The following TCIRG1 variants were observed in gnomAD, a reference collection of about 807,000 sequenced individuals.
TCIRG1 encodes T cell immune regulator 1, ATPase H+ transporting V0 subunit a3.
A neutral mutation model predicts 95.5 loss-of-function variants in TCIRG1; 86 were observed. That is an observed-to-expected ratio of 0.90 (90% CI 0.76 to 1.08). The LOEUF is 1.08. Ranked by LOEUF, TCIRG1 falls within the 50% of genes least tolerant of loss-of-function variation. TCIRG1 has a pLI of 0.00. For missense variants in TCIRG1, 1,069 were observed against 1,140.2 expected (o/e 0.94, Z 0.90); for synonymous variants, 499 against 501.3 (o/e 1.00, Z 0.06).
chr11:68,049,425 G>A lies in TCIRG1; in HGVS notation c.1887+131G>A, dbSNP rs78820476. The A allele has an allele frequency of 9.8e-4, 1,055 of 1,071,580 alleles. No homozygotes were observed. Among genetic ancestry groups the A allele is most frequent in the Non-Finnish European group, 1.3e-3 (984 of 750,596 alleles). The allele number at this position is 1,071,580 out of a possible 1,614,324, so 66.4% of individuals were successfully genotyped here. On this transcript the variant is annotated intron_variant, in intron 15 of 19. Coordinates refer to ENST00000265686, the MANE Select transcript of TCIRG1 (RefSeq NM_006019.4). Reference sequence around the variant, plus strand: ...GGCCCCGGGCCGTGCAGACAGGGCCGTCAGAGGTGATGGTGTGCATCTTTA... The same window carrying A: ...GGCCCCGGGCCGTGCAGACAGGGCCATCAGAGGTGATGGTGTGCATCTTTA...
Position 68,042,791 on chromosome 11 carries a change from G to C in TCIRG1, c.345G>C (p.Gln115His), listed in dbSNP as rs1218201128. ...AQELRDVRGN[Q>H]QALRAQLHQL... ...AGCTGCGGGATGTGCGGGGCAACCA[G>C]CAGGCCCTGCGGGCCCAGCTGCACC... is the stretch of plus-strand genomic sequence containing the variant. Residue 115 changes from glutamine (Q) to histidine (H), a missense_variant, in exon 4 of 20, where the codon CAG becomes CAC. Transcript: ENST00000265686. 2 of 1,548,162 alleles carry C rather than the reference G, an allele frequency of 1.3e-6. No homozygotes were observed. Among genetic ancestry groups the C allele is most frequent in the Non-Finnish European group, 1.7e-6 (2 of 1,146,468 alleles).
intron 10 of TCIRG1, among the ~76,000 whole-genome samples, chr11:68,046,541 G>A (rs1228118822): frequency 6.6e-6 from 1 of 152,096 alleles, no homozygotes; most frequent in Non-Finnish European, 1.5e-5. Context: ...CCACTGTAAT[G>A]GCCTTATCTT....
chr11:68,052,601 C>T (rs1426955852), downstream of TCIRG1, among the ~76,000 whole-genome samples: 4 of 152,260 alleles, frequency 2.6e-5, no homozygotes, highest in Non-Finnish European at 5.9e-5. Context: ...ACCAGCACTG[C>T]TCCCAGTCTC....
At chr11:68,048,562 G>A (rs1855625285) in intron 13 of TCIRG1, among the ~76,000 whole-genome samples, 1 of 152,202 alleles carries the variant, frequency 6.6e-6, no homozygotes, top group African/African-American at 2.4e-5. Flanking sequence ...TCGAAGTGCT[G>A]GGATTACAGG....
chr11:68,051,107 C>T (rs1415940100), downstream of TCIRG1, among the ~76,000 whole-genome samples: 8 of 152,184 alleles, frequency 5.3e-5, no homozygotes, highest in Non-Finnish European at 1.0e-4. Context: ...CTTCCCAGGC[C>T]GGGTCAGGGG....
chr11:68,041,687 G>A, intron 2 of TCIRG1, 66 bp from the exon 3 acceptor site: 1 of 1,368,086 alleles, frequency 7.3e-7, no homozygotes, highest in Non-Finnish European at 1.0e-6. Context: ...TCAGGCCTGG[G>A]CTCTAGGGTG....
chr11:68,050,317 T>A, intron 18 of TCIRG1, 63 bp downstream of exon 18: 2 of 1,598,418 alleles, frequency 1.3e-6, no homozygotes, highest in Non-Finnish European at 1.7e-6. Context: ...CGCTGCTGGC[T>A]GGGCGGGTTG....
At position 68,049,309 on chromosome 11, in the gene TCIRG1, G is replaced by C. The variant is rs1855669914; in HGVS notation, c.1887+15G>C. ...ACCCCCGGCAGGTGGGCTGCGGCTG[G>C]TGGGGGCCGGGCTCACACGGCCTCA... On this transcript the variant is annotated intron_variant, in intron 15 of 19. Transcript: ENST00000265686. 1.9e-6 allele frequency: 3 copies of C among 1,601,252 alleles called. No homozygotes were observed. In the Admixed American group the frequency reaches 5.0e-5, roughly 27 times the overall value.
In TCIRG1 at chr11:68,050,118, C is replaced by T. The variant is rs1384737347; in HGVS notation, c.2119-19C>T. Reference sequence around the variant, plus strand: ...GGACGGCTGAGGCCCTGCCGGCCCTCACTGCACCCGCCCCGCAGCTCGTCC... The same window carrying T: ...GGACGGCTGAGGCCCTGCCGGCCCTTACTGCACCCGCCCCGCAGCTCGTCC... On this transcript the variant is annotated intron_variant, in intron 17 of 19. Transcript: ENST00000265686. 1.2e-6 allele frequency: 2 copies of T among 1,612,600 alleles called. No individual in the cohort carries two copies. The highest frequency in any genetic ancestry group is 1.7e-6 in the Non-Finnish European group (2 of 1,179,688).
intron 11 of TCIRG1, 37 bp from the exon 12 acceptor site, chr11:68,047,610 G>A: frequency 2.5e-6 from 4 of 1,613,010 alleles, no homozygotes; most frequent in South Asian, 2.2e-5. Context: ...AGGGTAGCAG[G>A]GCCAGGCAGC....
chr11:68,047,263 C>CCA (rs1565159649), intron 10 of TCIRG1, among the ~76,000 whole-genome samples, 170 bp from the exon 11 acceptor site: 1 of 112,880 alleles, frequency 8.9e-6, no homozygotes, highest in Admixed American at 7.7e-5. Context: ...CCCCCCCCCC[C>CCA]CCCCGTCTCG....
intron 15 of TCIRG1, 83 bp from the exon 16 acceptor site, chr11:68,049,580 T>A: frequency 6.5e-7 from 1 of 1,539,962 alleles, no homozygotes. Flanking sequence ...GCAGGCTCTC[T>A]GGGCCCCGTG....
intron 10 of TCIRG1, 115 bp downstream of exon 10, chr11:68,045,217 G>A: frequency 7.6e-7 from 1 of 1,312,244 alleles, no homozygotes; most frequent in Non-Finnish European, 1.1e-6. Flanking sequence ...CTCCTGGGAT[G>A]AGGGGCACAC....
chr11:68,045,060 G>A lies in TCIRG1; in HGVS notation c.1123G>A (p.Val375Met), dbSNP rs200415611. 2.7e-5 allele frequency: 43 copies of A among 1,605,146 alleles called. No homozygotes were observed. In the South Asian group the frequency reaches 3.4e-4, roughly 13 times the overall value. The change falls in exon 10 of 20, where the codon GTG (valine) becomes ATG (methionine). Residue 375 changes from valine (V) to methionine (M), a missense_variant. Coordinates refer to ENST00000265686, the MANE Select transcript of TCIRG1 (RefSeq NM_006019.4). ...NRFTASFQGI[V>M]DAYGVGRYQE... ...CTTCACGGCCAGCTTCCAGGGCATC[G>A]TGGATGCCTACGGCGTGGGCCGCTA... is the stretch of plus-strand genomic sequence containing the variant.
At chr11:68,044,825 G>C (rs760009864) in intron 9 of TCIRG1, 133 bp from the exon 10 acceptor site, 14 of 1,144,568 alleles carry the variant, frequency 1.2e-5, no homozygotes, top group Admixed American at 1.2e-4. Context: ...ATCATCTCAC[G>C]TCAGAGAGAG....
In TCIRG1 at chr11:68,043,148, G is replaced by T. The variant is rs867889586; in HGVS notation, c.503+117G>T. On this transcript the variant is annotated intron_variant, in intron 5 of 19. Coordinates refer to ENST00000265686, the MANE Select transcript of TCIRG1 (RefSeq NM_006019.4). ...CCAGTGCTCTCCCCAGGCTGGCCCCGCCTCCTCCTTCAGGCCCGGAACTTC... is the reference window on the plus strand; with the variant it reads ...CCAGTGCTCTCCCCAGGCTGGCCCCTCCTCCTCCTTCAGGCCCGGAACTTC... 6.6e-5 allele frequency: 101 copies of T among 1,529,442 alleles called. No individual in the cohort carries two copies. The African/African-American group carries it at 1.2e-3, about 18-fold the overall frequency. 94.7% of individuals were successfully genotyped at this position (1,529,442 alleles called of 1,614,324 possible). A position where few individuals can be genotyped will look rare whatever the true frequency, so the allele number is the denominator to read the frequency against.
At chr11:68,048,613 C>T (rs1355030136) in intron 13 of TCIRG1, among the ~76,000 whole-genome samples, 2 of 152,154 alleles carry the variant, frequency 1.3e-5, no homozygotes, top group African/African-American at 4.8e-5. Context: ...ATTTGAACCT[C>T]GTAACAACCC....
At chr11:68,041,921 A>T in intron 3 of TCIRG1, 90 bp downstream of exon 3, 1 of 1,229,824 alleles carries the variant, frequency 8.1e-7, no homozygotes, top group Non-Finnish European at 1.2e-6. Flanking sequence ...TGGGTTTGCC[A>T]GGTGGAAGGC....
At position 68,050,814 on chromosome 11, in the gene TCIRG1, G is replaced by C; in HGVS notation, c.2488G>C (p.Asp830His). The C allele has an allele frequency of 6.2e-7, 1 of 1,613,284 alleles. No homozygotes were observed. The highest frequency in any genetic ancestry group is 8.5e-7 in the Non-Finnish European group (1 of 1,180,016). The stretch of plus-strand genomic sequence containing the variant: ...TCCCTTCACCTTCGCTGCCACAGAT[G>C]ACTAGGGCCCACTGCAGGTCCTGCC... ...LSPFTFAATD[D>H] The change falls in exon 20 of 20, where the codon GAC becomes CAC. Residue 830 changes from aspartate to histidine, a missense_variant. Physicochemically the swap from Asp to His is moderately conservative, Grantham distance 81. Transcript: ENST00000265686.
Sources: allele counts gnomAD v4.1 joint callset (sites outside exome capture counted in the v4.1 genomes callset), GRCh38; gene constraint gnomAD v4.1.1; transcripts MANE v1.5; gene names NCBI Gene and HGNC (gene_info 2026-07-23, HGNC 2026-07-21).